The following KLRG1 variants were observed in gnomAD, a reference collection of about 807,000 sequenced individuals.
The protein encoded by KLRG1 is killer cell lectin like receptor G1, also known as killer cell lectin-like receptor subfamily G member 1.
KLRG1 carries 16 observed loss-of-function variants against 21.8 expected under a neutral mutation model. That is an observed-to-expected ratio of 0.73 (90% confidence interval 0.50 to 1.11). The LOEUF is 1.11. KLRG1 is among the 50% of genes most tolerant of loss of function. KLRG1 has a pLI of 0.00. For synonymous variants in KLRG1, 69 were observed against 75.9 expected (o/e 0.91, Z 0.47); for missense variants, 173 against 218.3 (o/e 0.79, Z 1.31).
the KLRG1 span, among the ~76,000 whole-genome samples, chr12:9,110,950 A>G: frequency 2.6e-5 from 4 of 152,168 alleles, no homozygotes; most frequent in African/African-American, 7.2e-5. Flanking sequence ...GTGAAGATCA[A>G]TCCTTTGCTA....
chr12:9,029,030 C>T, the KLRG1 span: 1 of 576,334 alleles, frequency 1.7e-6, no homozygotes, highest in Non-Finnish European at 3.3e-6. Context: ...CAAAGCTCAA[C>T]CATCCAATGA....
chr12:9,089,357 C>T, the KLRG1 span: 11 of 830,176 alleles, frequency 1.3e-5, no homozygotes, highest in South Asian at 3.1e-5. Flanking sequence ...AGGATTTGAA[C>T]TGTATTATCT....
the KLRG1 span, among the ~76,000 whole-genome samples, chr12:9,050,632 CG>C: frequency 3.3e-5 from 5 of 152,022 alleles, no homozygotes; most frequent in Admixed American, 6.6e-5. Context: ...CGGAGGGGGC[CG>C]GGAGTAGGCA....
the KLRG1 span, among the ~76,000 whole-genome samples, chr12:9,144,448 A>G: frequency 0.4 from 60,094 of 151,830 alleles, 12,305 homozygotes; most frequent in African/African-American, 0.45. Flanking sequence ...ATGAGCTGCC[A>G]CTGCCCACTG....
At chr12:9,097,279 C>T in the KLRG1 span, among the ~76,000 whole-genome samples, 60,657 of 127,468 alleles carry the variant, frequency 0.48, 13,197 homozygotes, top group African/African-American at 0.65. Flanking sequence ...AAGTAAGAAA[C>T]ATTTTTTTAT....
chr12:8,960,879 C>T (rs1380075166), intron 1 of KLRG1, among the ~76,000 whole-genome samples: 1 of 152,142 alleles, frequency 6.6e-6, no homozygotes, highest in Non-Finnish European at 1.5e-5. Context: ...ATTTGACCCA[C>T]TCAATGTTTT....
rs1003351784 is a variant in KLRG1 at position 9,006,609 on chromosome 12, A to C, written c.358-2366A>C. 2.0e-5 allele frequency among the ~76,000 whole-genome samples: 3 copies of C among 152,208 alleles called. No homozygotes were observed. The East Asian group carries it at 5.8e-4, about 29-fold the overall frequency. On this transcript the variant is annotated intron_variant, in intron 3 of 4. Transcript: ENST00000356986. Reference sequence around the variant, plus strand: ...ATTAATCAGGGGCACAGAGTGATTAAAAGTTTAGCACTGGGAGAGAAAAGT... The same window carrying C: ...ATTAATCAGGGGCACAGAGTGATTACAAGTTTAGCACTGGGAGAGAAAAGT...
chr12:9,165,466 C>A, the KLRG1 span: 3 of 1,343,816 alleles, frequency 2.2e-6, no homozygotes, highest in South Asian at 4.0e-5. Context: ...AGAACTGAAT[C>A]CACTTAAGGG....
At chr12:9,106,039 C>T in the KLRG1 span, among the ~76,000 whole-genome samples, 1 of 152,190 alleles carries the variant, frequency 6.6e-6, no homozygotes, top group Non-Finnish European at 1.5e-5. Flanking sequence ...ATTTCATACA[C>T]AAATTTACAG....
At chr12:9,049,697 C>T in the KLRG1 span, among the ~76,000 whole-genome samples, 1 of 152,074 alleles carries the variant, frequency 6.6e-6, no homozygotes, top group African/African-American at 2.4e-5. Context: ...GAAGTAGCAG[C>T]ACTCAACTTT....
At chr12:9,114,777 T>C in the KLRG1 span, among the ~76,000 whole-genome samples, 1 of 152,278 alleles carries the variant, frequency 6.6e-6, no homozygotes, top group Admixed American at 6.5e-5. Flanking sequence ...AATTTAACTT[T>C]AACTCCTCTT....
At chr12:9,059,996 C>CTTTTTTTTT in the KLRG1 span, among the ~76,000 whole-genome samples, 2 of 75,568 alleles carry the variant, frequency 2.6e-5, no homozygotes, top group Non-Finnish European at 5.0e-5. Flanking sequence ...GCCCTGGCAT[C>CTTTTTTTTT]TTTTTTTTTT....
intron 1 of KLRG1, among the ~76,000 whole-genome samples, chr12:8,961,071 G>A (rs1405583696): frequency 6.6e-6 from 1 of 152,180 alleles, no homozygotes; most frequent in African/African-American, 2.4e-5. Flanking sequence ...GAGGTTCACA[G>A]ACATTAAACT....
chr12:9,163,079 G>A, the KLRG1 span, among the ~76,000 whole-genome samples: 2 of 151,984 alleles, frequency 1.3e-5, no homozygotes, highest in Non-Finnish European at 2.9e-5. Flanking sequence ...GAAGAACCAG[G>A]GAGGGTGGTA....
chr12:9,193,031 A>C, the KLRG1 span, among the ~76,000 whole-genome samples: 2 of 152,194 alleles, frequency 1.3e-5, no homozygotes, highest in African/African-American at 4.8e-5. Flanking sequence ...TAAATAACTC[A>C]AACAAGTGGA....
chr12:9,145,524 T>A, the KLRG1 span, among the ~76,000 whole-genome samples: 1 of 152,232 alleles, frequency 6.6e-6, no homozygotes, highest in Non-Finnish European at 1.5e-5. Flanking sequence ...ATATTTTAGT[T>A]TGTTATTTTT....
intron 1 of KLRG1, among the ~76,000 whole-genome samples, chr12:8,983,478 G>A (rs1946791940): frequency 7.4e-6 from 1 of 135,224 alleles, no homozygotes; most frequent in Non-Finnish European, 1.5e-5. Context: ...TCAGCTCACT[G>A]CAACCTCGGC....
the KLRG1 span, chr12:9,162,515 TA>T: frequency 1.1e-6 from 1 of 949,298 alleles, no homozygotes; most frequent in Non-Finnish European, 1.7e-6. Flanking sequence ...AACTGGGAGA[TA>T]AAATGAATGT....
At chr12:9,143,520 G>A in the KLRG1 span, among the ~76,000 whole-genome samples, 2 of 152,022 alleles carry the variant, frequency 1.3e-5, no homozygotes, top group African/African-American at 4.8e-5. Context: ...GAGAAACCTG[G>A]GGAGGGTTTT....
Sources: allele counts gnomAD v4.1 joint callset (sites outside exome capture counted in the v4.1 genomes callset), GRCh38; gene constraint gnomAD v4.1.1; transcripts MANE v1.5; gene names NCBI Gene and HGNC (gene_info 2026-07-23, HGNC 2026-07-21).